Variants in KCNIP4 observed in about 807,000 individuals in gnomAD.
KCNIP4 encodes Kv channel-interacting protein 4.
Under a neutral mutation model 34.0 loss-of-function variants are expected in KCNIP4, and 12 were observed. The ratio of observed to expected loss-of-function variants is 0.35; its 90% CI spans 0.23 to 0.57. The LOEUF (loss-of-function observed/expected upper bound fraction) is 0.57, where lower values mean the gene tolerates loss of function less well. KCNIP4 is among the 20% of genes least tolerant of loss of function. The probability of loss-of-function intolerance (pLI) is 0.83; values close to 1 mark genes in which losing one functional copy is unlikely to be tolerated. For synonymous variants in KCNIP4, 124 were observed against 102.2 expected (o/e 1.21, Z -1.29); for missense variants, 238 against 311.7 (o/e 0.76, Z 1.78).
At chr4:21,419,142 A>G (rs1334395524) in intron 1 of KCNIP4, among the ~76,000 whole-genome samples, 1 of 152,030 alleles carries the variant, frequency 6.6e-6, no homozygotes, top group African/African-American at 2.4e-5. Flanking sequence ...GCCATATTAT[A>G]TTTTCCTGTT....
chr4:21,856,740 T>C (rs905883942), intron 1 of KCNIP4, among the ~76,000 whole-genome samples: 3 of 152,160 alleles, frequency 2.0e-5, no homozygotes, highest in African/African-American at 7.2e-5. Flanking sequence ...GCCTGGCCTC[T>C]TCCTACTCCA....
intron 1 of KCNIP4, among the ~76,000 whole-genome samples, chr4:21,145,806 A>G (rs2109226189): frequency 1.3e-5 from 2 of 152,362 alleles, no homozygotes; most frequent in South Asian, 4.1e-4. Flanking sequence ...TATCAGGAGT[A>G]CACAGGACCA....
chr4:21,773,410 A>G lies in KCNIP4; in HGVS notation c.61+175161T>C, dbSNP rs184196705. ...ATATTCTGTTGATTTTGGGTAGATAATTCTGTAGCTGTATACTAGGTCCAC... is the reference window on the plus strand; with the variant it reads ...ATATTCTGTTGATTTTGGGTAGATAGTTCTGTAGCTGTATACTAGGTCCAC... On this transcript the variant is annotated intron_variant, in intron 1 of 8. Coordinates refer to ENST00000382152, the MANE Select transcript of KCNIP4 (RefSeq NM_025221.6). Among the ~76,000 whole-genome samples the G allele has an allele frequency of 4.7e-4, 72 of 152,124 alleles. 1 individual carries two copies. The East Asian group carries it at 0.012, about 25-fold the overall frequency.
intron 1 of KCNIP4, among the ~76,000 whole-genome samples, chr4:21,146,426 A>G (rs1057428423): frequency 7.9e-5 from 12 of 152,270 alleles, no homozygotes; most frequent in South Asian, 4.1e-4. Flanking sequence ...GTGGAAGACC[A>G]ATAAGAATTA....
chr4:20,749,208 A>C (rs976497248), intron 5 of KCNIP4, among the ~76,000 whole-genome samples: 1 of 149,714 alleles, frequency 6.7e-6, no homozygotes, highest in African/African-American at 2.4e-5. Flanking sequence ...TTTGTAATTT[A>C]AAAAGAGATT....
intron 1 of KCNIP4, among the ~76,000 whole-genome samples, chr4:21,938,710 C>T (rs551041346): frequency 5.8e-4 from 88 of 152,128 alleles, no homozygotes; most frequent in African/African-American, 1.7e-3. Context: ...TAAGAACATA[C>T]GATGGGGTCC....
intron 1 of KCNIP4, among the ~76,000 whole-genome samples, chr4:21,213,028 G>T (rs549292749): frequency 3.5e-4 from 54 of 152,196 alleles, no homozygotes; most frequent in African/African-American, 1.3e-3. Context: ...ATGAAAAAAG[G>T]CTAAGAAACA....
chr4:21,301,851 T>C (rs1337423643), intron 1 of KCNIP4, among the ~76,000 whole-genome samples: 1 of 152,210 alleles, frequency 6.6e-6, no homozygotes, highest in Admixed American at 6.5e-5. Context: ...TTTAAAGGGC[T>C]TCTCACTCTA....
chr4:21,679,498 C>A (rs1031631725), intron 1 of KCNIP4, among the ~76,000 whole-genome samples: 1 of 151,924 alleles, frequency 6.6e-6, no homozygotes, highest in Non-Finnish European at 1.5e-5. Context: ...AGGTCCAATC[C>A]CCAACTCCAC....
At chr4:21,653,023 AAT>A (rs1747628624) in intron 1 of KCNIP4, among the ~76,000 whole-genome samples, 1 of 152,150 alleles carries the variant, frequency 6.6e-6, no homozygotes, top group African/African-American at 2.4e-5. Flanking sequence ...CAAACAGAAA[AAT>A]GTAAATGTGG....
chr4:21,079,980 C>A (rs1196925462), intron 1 of KCNIP4, among the ~76,000 whole-genome samples: 1 of 151,840 alleles, frequency 6.6e-6, no homozygotes, highest in African/African-American at 2.4e-5. Context: ...CTTAGTGAAA[C>A]CCATTTCATA....
intron 1 of KCNIP4, among the ~76,000 whole-genome samples, chr4:21,471,718 A>G (rs573878107): frequency 1.3e-5 from 2 of 152,278 alleles, no homozygotes; most frequent in Admixed American, 1.3e-4. Flanking sequence ...CCCATTTCAC[A>G]GGTGAGGAAA....
chr4:21,548,492 T>A (rs915513353), intron 1 of KCNIP4, among the ~76,000 whole-genome samples: 4 of 152,036 alleles, frequency 2.6e-5, no homozygotes, highest in Admixed American at 6.6e-5. Context: ...TAATAACACA[T>A]CACTGTTGCA....
intron 1 of KCNIP4, among the ~76,000 whole-genome samples, chr4:21,186,073 G>C (rs1755203444): frequency 6.6e-6 from 1 of 152,088 alleles, no homozygotes; most frequent in South Asian, 2.1e-4. Flanking sequence ...GTGAATAGCT[G>C]TCTATTTCTA....
intron 3 of KCNIP4, among the ~76,000 whole-genome samples, chr4:20,812,570 G>A (rs1311354597): frequency 6.6e-6 from 1 of 152,100 alleles, no homozygotes; most frequent in Non-Finnish European, 1.5e-5. Context: ...GCCCCTTTCC[G>A]AATCCCGGAG....
At chr4:21,863,561 G>A (rs1214868083) in intron 1 of KCNIP4, among the ~76,000 whole-genome samples, 1 of 152,178 alleles carries the variant, frequency 6.6e-6, no homozygotes, top group Admixed American at 6.5e-5. Context: ...GGAAGGAAGA[G>A]AGGCACAGAA....
At chr4:21,069,201 C>T (rs1744675555) in intron 1 of KCNIP4, among the ~76,000 whole-genome samples, 1 of 151,872 alleles carries the variant, frequency 6.6e-6, no homozygotes, top group African/African-American at 2.4e-5. Context: ...TCATATTACA[C>T]CTAAAGTATA....
intron 1 of KCNIP4, among the ~76,000 whole-genome samples, chr4:21,667,329 C>T (rs189574715): frequency 3.2e-4 from 48 of 152,230 alleles, no homozygotes; most frequent in Admixed American, 2.7e-3. Context: ...TTCACATGTC[C>T]GTTAATTCAA....
chr4:21,803,639 C>T (rs1282283920), intron 1 of KCNIP4, among the ~76,000 whole-genome samples: 1 of 152,136 alleles, frequency 6.6e-6, no homozygotes, highest in East Asian at 1.9e-4. Flanking sequence ...ACCCTATCTG[C>T]TGTCTCAGGT....
Sources: gnomAD v4.1 joint callset for allele counts (sites outside exome capture counted in the v4.1 genomes callset) on GRCh38, gnomAD v4.1.1 for gene constraint, MANE v1.5 for transcripts, NCBI Gene and HGNC (gene_info 2026-07-23, HGNC 2026-07-21) for gene names.